The following MYO18B variants were observed in gnomAD, a reference collection of about 807,000 sequenced individuals.
MYO18B encodes unconventional myosin-XVIIIb.
A neutral mutation model predicts 273.0 loss-of-function variants in MYO18B; 204 were observed. That is an observed-to-expected ratio of 0.75 (90% CI 0.67 to 0.84). The LOEUF is 0.84. Ranked by LOEUF, MYO18B falls within the 40% of genes least tolerant of loss-of-function variation. The pLI is 0.00. For synonymous variants in MYO18B, 1,330 were observed against 1,305.7 expected (o/e 1.02, Z -0.40); for missense variants, 3,212 against 3,287.6 (o/e 0.98, Z 0.56).
intron 34 of MYO18B, among the ~76,000 whole-genome samples, chr22:25,942,968 G>C (rs1329351812): frequency 1.3e-5 from 2 of 152,010 alleles, no homozygotes; most frequent in Non-Finnish European, 2.9e-5. Context: ...TCTATAAAAT[G>C]GGGATAAAAA....
chr22:25,852,467 T>A (rs1265034346), intron 21 of MYO18B, among the ~76,000 whole-genome samples: 1 of 152,220 alleles, frequency 6.6e-6, no homozygotes, highest in Non-Finnish European at 1.5e-5. Flanking sequence ...GTCTTCTTTC[T>A]CCAACTACAC....
intron 16 of MYO18B, 120 bp from the exon 17 acceptor site, chr22:25,835,176 G>A (rs2089852023): frequency 8.7e-6 from 11 of 1,270,338 alleles, no homozygotes; most frequent in South Asian, 4.7e-5. Flanking sequence ...GGGTAGGCAC[G>A]TTCTGAGTCC....
At chr22:25,810,673 T>C (rs57344074) in intron 12 of MYO18B, among the ~76,000 whole-genome samples, 9,998 of 151,878 alleles carry the variant, frequency 0.066, 576 homozygotes, top group East Asian at 0.21. Flanking sequence ...TGGCCTCCAG[T>C]GATCATCCCG....
Position 25,990,610 on chromosome 22 carries a change from C to G in MYO18B, c.6157-1753C>G, listed in dbSNP as rs1157029779. Among the ~76,000 whole-genome samples, 5 of 140,208 alleles carry G rather than the reference C, an allele frequency of 3.6e-5. No individual in the cohort carries two copies. The Admixed American group carries it at 4.0e-4, about 11-fold the overall frequency. The allele number at this position is 140,208 out of a possible 152,430, so 92.0% of individuals were successfully genotyped here. ...GCTGAGGCAGGAGAATTGCTTGGAC[C>G]CGGGAGGTGGAGGTTGCAGTGAGCT... On this transcript the variant is annotated intron_variant, in intron 39 of 43. Coordinates refer to ENST00000335473, the MANE Select transcript of MYO18B (RefSeq NM_032608.7).
At chr22:26,051,385 G>A in the MYO18B span, among the ~76,000 whole-genome samples, 3 of 152,048 alleles carry the variant, frequency 2.0e-5, no homozygotes, top group African/African-American at 2.4e-5. Flanking sequence ...CACCGCGCCC[G>A]GCTAATTTTT....
intron 34 of MYO18B, among the ~76,000 whole-genome samples, chr22:25,928,462 C>G (rs563750064): frequency 6.7e-6 from 1 of 150,116 alleles, no homozygotes; most frequent in South Asian, 2.1e-4. Flanking sequence ...CCCTGATGTG[C>G]AGAATATCAG....
intron 7 of MYO18B, among the ~76,000 whole-genome samples, chr22:25,775,884 TA>T (rs35877157): frequency 0.011 from 1,657 of 147,232 alleles, 27 homozygotes; most frequent in African/African-American, 0.032. Context: ...AGCAGGGACT[TA>T]AAAAAAAAAA....
chr22:25,770,219 C>T (rs774545336), intron 5 of MYO18B, 43 bp downstream of exon 5: 143 of 1,584,310 alleles, frequency 9.0e-5, no homozygotes, highest in Non-Finnish European at 1.2e-4. Flanking sequence ...TGAGTCTTCT[C>T]CTGTGCCCCC....
rs1555920977 is a variant in MYO18B, at chr22:25,876,044, GTA to G, written c.4081-143_4081-142del. 1,860 of 417,924 alleles carry G rather than the reference GTA, an allele frequency of 4.5e-3. 41 individuals are homozygous for G. The highest frequency in any genetic ancestry group is 0.029 in the East Asian group (765 of 26,352). The allele number at this position is 417,924 out of a possible 1,614,324, so 25.9% of individuals were successfully genotyped here. On this transcript the variant is annotated intron_variant, in intron 23 of 43. Transcript: ENST00000335473. Reference sequence around the variant, plus strand: ...TGTGTGTGTGTGTGTGTGTGTGTGTGTATGTGTTTTAAGGTATCCAGTCCCTT... The same window carrying G: ...TGTGTGTGTGTGTGTGTGTGTGTGTGTGTGTTTTAAGGTATCCAGTCCCTT...
At chr22:25,936,422 G>T (rs1460241720) in intron 34 of MYO18B, among the ~76,000 whole-genome samples, 1 of 152,170 alleles carries the variant, frequency 6.6e-6, no homozygotes, top group Non-Finnish European at 1.5e-5. Context: ...TCAGCAGGTG[G>T]TGAACATATT....
At chr22:25,785,785 T>C (rs2087358643) in intron 11 of MYO18B, among the ~76,000 whole-genome samples, 1 of 152,210 alleles carries the variant, frequency 6.6e-6, no homozygotes, top group African/African-American at 2.4e-5. Context: ...ACCTCAGGCA[T>C]GGACCTTAAC....
intron 40 of MYO18B, among the ~76,000 whole-genome samples, chr22:25,997,506 C>T (rs1383252672): frequency 6.6e-6 from 1 of 151,888 alleles, no homozygotes; most frequent in Non-Finnish European, 1.5e-5. Flanking sequence ...TCTCAGCAGG[C>T]CTTGATCCTA....
At chr22:25,850,631 G>A (rs996358506) in intron 20 of MYO18B, among the ~76,000 whole-genome samples, 1 of 152,132 alleles carries the variant, frequency 6.6e-6, no homozygotes, top group Non-Finnish European at 1.5e-5. Context: ...AGGCTGGAGT[G>A]CAGTGGCACG....
chr22:25,986,537 A>G (rs1006677997), intron 39 of MYO18B, among the ~76,000 whole-genome samples: 1 of 152,234 alleles, frequency 6.6e-6, no homozygotes, highest in Admixed American at 6.5e-5. Context: ...TATTTTGAAC[A>G]TTTAGCAGAC....
chr22:25,824,826 T>A (rs2089427447), intron 13 of MYO18B, among the ~76,000 whole-genome samples: 1 of 142,492 alleles, frequency 7.0e-6, no homozygotes, highest in South Asian at 2.3e-4. Context: ...TATGCACACA[T>A]GGTGTGCACA....
intron 12 of MYO18B, among the ~76,000 whole-genome samples, chr22:25,804,384 T>C (rs2088367279): frequency 6.6e-6 from 1 of 152,196 alleles, no homozygotes; most frequent in South Asian, 2.1e-4. Context: ...CTGAGTTACT[T>C]GCTAGATCAC....
At chr22:25,921,840 G>GTGTGTA (rs1555946984) in intron 34 of MYO18B, among the ~76,000 whole-genome samples, 1 of 150,952 alleles carries the variant, frequency 6.6e-6, no homozygotes, top group African/African-American at 2.5e-5. Context: ...GTGTGTGTGT[G>GTGTGTA]TGTGTGTGTG....
chr22:25,958,690 G>A (rs2092882831), intron 39 of MYO18B, among the ~76,000 whole-genome samples: 2 of 152,118 alleles, frequency 1.3e-5, no homozygotes, highest in East Asian at 1.9e-4. Flanking sequence ...GGAGAGTTAA[G>A]TCCTCACTGT....
chr22:25,900,599 T>A (rs1046483765), intron 29 of MYO18B: 6 of 152,334 alleles, frequency 3.9e-5, no homozygotes, highest in African/African-American at 1.4e-4. Flanking sequence ...GTAAGCCCTG[T>A]GCTAGACTCA....
Sources: allele counts gnomAD v4.1 joint callset (sites outside exome capture counted in the v4.1 genomes callset), GRCh38; gene constraint gnomAD v4.1.1; transcripts MANE v1.5; gene names NCBI Gene and HGNC (gene_info 2026-07-23, HGNC 2026-07-21).